ADAMTS16: variants seen among roughly 807,000 people sequenced by gnomAD.
ADAMTS16 encodes the protein A disintegrin and metalloproteinase with thrombospondin motifs 16.
Under a neutral mutation model 145.8 loss-of-function variants are expected in ADAMTS16, and 94 were observed. The observed-to-expected ratio is 0.64, with a 90% CI of 0.55 to 0.77. The LOEUF is 0.77. Among genes scored for constraint, ADAMTS16 ranks in the 30% least tolerant of loss-of-function variants. ADAMTS16 has a pLI of 0.00. For missense variants in ADAMTS16, 1,585 were observed against 1,591.5 expected, an observed-to-expected ratio of 1.00 and a Z score of 0.07; for synonymous variants, 659 against 604.3, an observed-to-expected ratio of 1.09 and a Z score of -1.33.
rs751873449 is a variant in ADAMTS16 at position 5,306,602 on chromosome 5, C to T, written c.3285C>T (p.Cys1095=). The T allele has an allele frequency of 9.3e-6, 15 of 1,614,210 alleles. No individual in the cohort carries two copies. Among genetic ancestry groups the T allele is most frequent in the Non-Finnish European group, 1.2e-5 (14 of 1,180,046 alleles). Reference sequence around the variant, plus strand: ...ATCGAGAGCTGGCCTCAAAGAAGTGCTCACATTTGCCGAAGCCCAGCCTGG... The same window carrying T: ...ATCGAGAGCTGGCCTCAAAGAAGTGTTCACATTTGCCGAAGCCCAGCCTGG... The part of the protein sequence containing the change: ...GKYRELASKK[C]SHLPKPSLEL... Residue 1095 remains cysteine, a synonymous_variant, in exon 21 of 23, where the codon TGC becomes TGT. Coordinates refer to ENST00000274181, the MANE Select transcript of ADAMTS16 (RefSeq NM_139056.4).
At chr5:5,302,176 A>G (rs1739808571) in intron 18 of ADAMTS16, among the ~76,000 whole-genome samples, 1 of 152,140 alleles carries the variant, frequency 6.6e-6, no homozygotes, top group Admixed American at 6.5e-5. Flanking sequence ...GGCTTGGTAG[A>G]CACACTCAGG....
chr5:5,204,004 C>T (rs1736023484), intron 9 of ADAMTS16, among the ~76,000 whole-genome samples: 1 of 152,120 alleles, frequency 6.6e-6, no homozygotes, highest in Admixed American at 6.5e-5. Flanking sequence ...ATACAAAGCT[C>T]ATCTTAAATC....
chr5:5,271,406 C>T (rs1443536317), intron 18 of ADAMTS16, among the ~76,000 whole-genome samples: 1 of 152,254 alleles, frequency 6.6e-6, no homozygotes, highest in African/African-American at 2.4e-5. Context: ...CCTTCCGCTC[C>T]TCCCGCTCCT....
intron 11 of ADAMTS16, among the ~76,000 whole-genome samples, chr5:5,226,829 C>CTAG (rs1335900526): frequency 1.3e-5 from 2 of 152,182 alleles, no homozygotes; most frequent in African/African-American, 4.8e-5. Flanking sequence ...ACAGGTGAGC[C>CTAG]TAGTGCAGTC....
chr5:5,206,776 C>T (rs1736137133), intron 9 of ADAMTS16, among the ~76,000 whole-genome samples: 1 of 152,086 alleles, frequency 6.6e-6, no homozygotes, highest in Non-Finnish European at 1.5e-5. Flanking sequence ...GCCACCGCGC[C>T]CGGCAGATTA....
At chr5:5,255,844 T>C (rs1248799612) in intron 17 of ADAMTS16, among the ~76,000 whole-genome samples, 1 of 152,242 alleles carries the variant, frequency 6.6e-6, no homozygotes. Flanking sequence ...TCTGCTTTCT[T>C]GGGCTATCCT....
At chr5:5,197,659 G>T (rs534502374) in intron 8 of ADAMTS16, among the ~76,000 whole-genome samples, 1 of 152,348 alleles carries the variant, frequency 6.6e-6, no homozygotes, top group African/African-American at 2.4e-5. Flanking sequence ...AGTAGTTATA[G>T]TTCTTGGTTG....
intron 17 of ADAMTS16, among the ~76,000 whole-genome samples, chr5:5,244,492 T>C (rs971261655): frequency 6.6e-6 from 1 of 152,210 alleles, no homozygotes; most frequent in African/African-American, 2.4e-5. Context: ...CATCAGGCCA[T>C]GCTCCTTAGA....
At chr5:5,284,751 T>C (rs1252061794) in intron 18 of ADAMTS16, among the ~76,000 whole-genome samples, 2 of 152,250 alleles carry the variant, frequency 1.3e-5, no homozygotes, top group Non-Finnish European at 2.9e-5. Flanking sequence ...TTCCAGAATA[T>C]TTTTAAAATT....
At position 5,213,917 on chromosome 5, in the gene ADAMTS16, T is replaced by C. The variant is rs147161618; in HGVS notation, c.1605+4671T>C. Reference sequence around the variant, plus strand: ...TGCAGCAAAACCTAAGACAGACACCTGGGGCCCCCAGCCCAATGCAACTTT... The same window carrying C: ...TGCAGCAAAACCTAAGACAGACACCCGGGGCCCCCAGCCCAATGCAACTTT... On this transcript the variant is annotated intron_variant, in intron 10 of 22. Transcript: ENST00000274181. 4.7e-3 allele frequency among the ~76,000 whole-genome samples: 716 copies of C among 152,292 alleles called. 6 individuals are homozygous for C. Among genetic ancestry groups the C allele is most frequent in the African/African-American group, 0.017 (687 of 41,550 alleles).
chr5:5,315,249 G>A (rs1234782589), intron 21 of ADAMTS16, among the ~76,000 whole-genome samples: 1 of 152,140 alleles, frequency 6.6e-6, no homozygotes, highest in Non-Finnish European at 1.5e-5. Context: ...AATTGCCCCC[G>A]TGATTCAGTT....
intron 12 of ADAMTS16, 68 bp downstream of exon 12, chr5:5,232,584 T>A (rs1392082803): frequency 2.7e-6 from 4 of 1,506,844 alleles, no homozygotes; most frequent in Non-Finnish European, 3.6e-6. Flanking sequence ...CCAAGCAGTA[T>A]GCCTGTGTCT....
At chr5:5,205,034 A>C (rs1736054984) in intron 9 of ADAMTS16, among the ~76,000 whole-genome samples, 1 of 152,198 alleles carries the variant, frequency 6.6e-6, no homozygotes, top group African/African-American at 2.4e-5. Flanking sequence ...CACTTGAATA[A>C]CCTTTTCCTT....
intron 18 of ADAMTS16, among the ~76,000 whole-genome samples, chr5:5,296,819 G>C (rs1451033969): frequency 6.6e-6 from 1 of 152,210 alleles, no homozygotes; most frequent in African/African-American, 2.4e-5. Flanking sequence ...CTCAACCTCA[G>C]ATGTAATTAG....
chr5:5,263,640 G>T (rs371744084), intron 18 of ADAMTS16, among the ~76,000 whole-genome samples: 6 of 152,226 alleles, frequency 3.9e-5, no homozygotes, highest in Non-Finnish European at 8.8e-5. Flanking sequence ...CAGACCAGGC[G>T]TGTTGCCTGG....
rs560285681 is a variant in ADAMTS16 at position 5,230,723 on chromosome 5, G to A, written c.1702-1645G>A. Among the ~76,000 whole-genome samples the A allele has an allele frequency of 3.9e-5, 6 of 152,228 alleles. No individual in the cohort carries two copies. The South Asian group carries it at 1.2e-3, about 32-fold the overall frequency. On this transcript the variant is annotated intron_variant, in intron 11 of 22. Coordinates refer to ENST00000274181, the MANE Select transcript of ADAMTS16 (RefSeq NM_139056.4). ...ACGCCTTTCTGAGTCTATGAACTTT[G>A]CCAGGTAACAACAGCAAATCAACAA...
At chr5:5,295,065 G>A (rs959910163) in intron 18 of ADAMTS16, among the ~76,000 whole-genome samples, 26 of 152,122 alleles carry the variant, frequency 1.7e-4, no homozygotes, top group African/African-American at 5.1e-4. Context: ...ACACAAATGC[G>A]CATTCATTTG....
At chr5:5,305,842 G>A (rs980354059) in intron 20 of ADAMTS16, among the ~76,000 whole-genome samples, 14 of 152,216 alleles carry the variant, frequency 9.2e-5, no homozygotes, top group African/African-American at 2.9e-4. Context: ...GACCCTCCGC[G>A]CCCAGTCTGT....
At chr5:5,206,549 G>C (rs1440815200) in intron 9 of ADAMTS16, among the ~76,000 whole-genome samples, 2 of 149,560 alleles carry the variant, frequency 1.3e-5, no homozygotes, top group Admixed American at 6.7e-5. Flanking sequence ...GTATGATCTC[G>C]GCTCACTGTG....
Sources: allele counts gnomAD v4.1 joint callset (sites outside exome capture counted in the v4.1 genomes callset), GRCh38; gene constraint gnomAD v4.1.1; transcripts MANE v1.5; gene names NCBI Gene and HGNC (gene_info 2026-07-23, HGNC 2026-07-21).